NKAIN2: variants seen among roughly 807,000 people sequenced by gnomAD.
NKAIN2 encodes sodium/potassium-transporting ATPase subunit beta-1-interacting protein 2.
In NKAIN2, 14 loss-of-function variants were observed where a neutral mutation model predicts 32.6. That is an observed-to-expected ratio of 0.43 (90% CI 0.28 to 0.67). The LOEUF (loss-of-function observed/expected upper bound fraction) is 0.67, where lower values mean the gene tolerates loss of function less well. NKAIN2 is among the 30% of genes least tolerant of loss of function. The pLI is 0.17. For missense variants in NKAIN2, 198 were observed against 258.3 expected (o/e 0.77, Z 1.60); for synonymous variants, 80 against 87.2 (o/e 0.92, Z 0.46).
Position 124,634,216 on chromosome 6 carries a change from A to G in NKAIN2, c.274-23970A>G, listed in dbSNP as rs369642965. ...ACATAAACAAGCAAGTAAACATGAT[A>G]CCTCCAAAGAAACACAGCCACTAAC... On this transcript the variant is annotated intron_variant, in intron 3 of 6. Coordinates refer to ENST00000368417, the MANE Select transcript of NKAIN2 (RefSeq NM_001040214.3). Among the ~76,000 whole-genome samples the G allele has an allele frequency of 4.6e-5, 7 of 152,294 alleles. No individual in the cohort carries two copies. The South Asian group carries it at 8.3e-4, about 18-fold the overall frequency.
chr6:123,875,777 A>G (rs1206309021), intron 1 of NKAIN2, among the ~76,000 whole-genome samples: 3 of 152,090 alleles, frequency 2.0e-5, no homozygotes, highest in Non-Finnish European at 4.4e-5. Context: ...AATTTATTTG[A>G]TTTACAATTT....
At chr6:124,368,117 C>T (rs187257251) in intron 3 of NKAIN2, among the ~76,000 whole-genome samples, 1 of 152,086 alleles carries the variant, frequency 6.6e-6, no homozygotes, top group Admixed American at 6.6e-5. Flanking sequence ...GGATCTGACT[C>T]CAAAATGTAT....
rs191849033 is a variant in NKAIN2 at position 124,503,609 on chromosome 6, A to G, written c.273+148262A>G. On this transcript the variant is annotated intron_variant, in intron 3 of 6. Coordinates refer to ENST00000368417, the MANE Select transcript of NKAIN2 (RefSeq NM_001040214.3). Reference sequence around the variant, plus strand: ...TATTTCCTTTTAGAGTTTTATGCCAATTAGAAGTTCTGTTTCTCTCTTCAA... The same window carrying G: ...TATTTCCTTTTAGAGTTTTATGCCAGTTAGAAGTTCTGTTTCTCTCTTCAA... 2.2e-3 allele frequency among the ~76,000 whole-genome samples: 328 copies of G among 152,244 alleles called. 1 individual carries two copies. Among genetic ancestry groups the G allele is most frequent in the African/African-American group, 7.5e-3 (311 of 41,580 alleles).
chr6:124,495,356 G>T (rs974369347), intron 3 of NKAIN2, among the ~76,000 whole-genome samples: 1 of 152,052 alleles, frequency 6.6e-6, no homozygotes, highest in Non-Finnish European at 1.5e-5. Flanking sequence ...TCACAGTGAG[G>T]TGTGAAAGGG....
At chr6:124,005,547 C>A (rs1361644986) in intron 1 of NKAIN2, among the ~76,000 whole-genome samples, 1 of 152,034 alleles carries the variant, frequency 6.6e-6, no homozygotes, top group Non-Finnish European at 1.5e-5. Flanking sequence ...ATGTTCATAT[C>A]TCAAATATTA....
chr6:123,823,273 T>C (rs544783284), intron 1 of NKAIN2: 1 of 152,320 alleles, frequency 6.6e-6, no homozygotes, highest in Admixed American at 6.5e-5. Flanking sequence ...ATTGGAAACT[T>C]AGTGCTGGCT....
At chr6:124,420,803 T>G (rs2114532165) in intron 3 of NKAIN2, among the ~76,000 whole-genome samples, 1 of 152,236 alleles carries the variant, frequency 6.6e-6, no homozygotes, top group East Asian at 1.9e-4. Context: ...TTGTATAGCT[T>G]TATCTTCCTT....
intron 3 of NKAIN2, among the ~76,000 whole-genome samples, chr6:124,542,417 C>G (rs1396004754): frequency 6.6e-6 from 1 of 151,964 alleles, no homozygotes. Context: ...GTATTTTTAG[C>G]CTCAACTAAA....
At chr6:124,079,463 G>A (rs1783849294) in intron 1 of NKAIN2, among the ~76,000 whole-genome samples, 1 of 152,112 alleles carries the variant, frequency 6.6e-6, no homozygotes, top group Non-Finnish European at 1.5e-5. Context: ...TCCTCCATAT[G>A]AAAATATAAA....
chr6:124,468,116 C>T (rs1246789338), intron 3 of NKAIN2, among the ~76,000 whole-genome samples: 1 of 152,066 alleles, frequency 6.6e-6, no homozygotes, highest in Admixed American at 6.6e-5. Context: ...CATGGAATAA[C>T]ATGGGTATAT....
chr6:124,564,699 C>T (rs1780836514), intron 3 of NKAIN2, among the ~76,000 whole-genome samples: 1 of 152,144 alleles, frequency 6.6e-6, no homozygotes, highest in South Asian at 2.1e-4. Flanking sequence ...ATCCTGGACA[C>T]AGAAGAACAG....
At chr6:123,828,273 A>G (rs1213653494) in intron 1 of NKAIN2, among the ~76,000 whole-genome samples, 1 of 152,196 alleles carries the variant, frequency 6.6e-6, no homozygotes, top group Admixed American at 6.6e-5. Context: ...GTCAACATTT[A>G]TTAAATGAAT....
chr6:124,173,041 A>G (rs1272514722), intron 1 of NKAIN2, among the ~76,000 whole-genome samples: 2 of 152,100 alleles, frequency 1.3e-5, no homozygotes, highest in African/African-American at 4.8e-5. Flanking sequence ...TGATTTTACA[A>G]CTGAAGTAGA....
At chr6:124,819,668 C>A (rs559149533) in intron 6 of NKAIN2, among the ~76,000 whole-genome samples, 2 of 152,254 alleles carry the variant, frequency 1.3e-5, no homozygotes, top group East Asian at 3.9e-4. Flanking sequence ...TAAAGTACTG[C>A]GCTGATGATT....
In NKAIN2 at chr6:124,759,634, CA is replaced by C. The variant is rs1562367668; in HGVS notation, c.475-31704del. ...ACACACACACACACACACACACACA[CA>C]CACACACACACACACACACACCCCC... On this transcript the variant is annotated intron_variant, in intron 4 of 6. Transcript: ENST00000368417. 3.0e-4 allele frequency among the ~76,000 whole-genome samples: 42 copies of C among 138,588 alleles called. 1 individual carries two copies. Among genetic ancestry groups the C allele is most frequent in the African/African-American group, 8.6e-4 (32 of 37,034 alleles). 90.9% of individuals were successfully genotyped at this position (138,588 alleles called of 152,430 possible).
chr6:124,163,044 T>A (rs1788354323), intron 1 of NKAIN2, among the ~76,000 whole-genome samples: 1 of 152,106 alleles, frequency 6.6e-6, no homozygotes, highest in Non-Finnish European at 1.5e-5. Context: ...AAGTTTATCA[T>A]ATTTATACAT....
chr6:124,803,887 G>A (rs114860057), intron 5 of NKAIN2, among the ~76,000 whole-genome samples: 5 of 152,102 alleles, frequency 3.3e-5, no homozygotes, highest in African/African-American at 1.2e-4. Context: ...GAAAAGAGAG[G>A]AGATCCCAAT....
At chr6:123,976,367 A>ATATATATATG (rs1217756595) in intron 1 of NKAIN2, among the ~76,000 whole-genome samples, 4 of 20,766 alleles carry the variant, frequency 1.9e-4, no homozygotes, top group African/African-American at 9.0e-4. Context: ...ATATATATAT[A>ATATATATATG]TTCCCATATA....
intron 3 of NKAIN2, among the ~76,000 whole-genome samples, chr6:124,423,454 A>G (rs1171041716): frequency 1.3e-5 from 2 of 152,208 alleles, no homozygotes; most frequent in Non-Finnish European, 2.9e-5. Flanking sequence ...AAAGGAGCAC[A>G]TATTTATGTT....
Sources: allele counts gnomAD v4.1 joint callset (sites outside exome capture counted in the v4.1 genomes callset), GRCh38; gene constraint gnomAD v4.1.1; transcripts MANE v1.5; gene names NCBI Gene and HGNC (gene_info 2026-07-23, HGNC 2026-07-21).